The following BICC1 variants were observed in gnomAD, a reference collection of about 807,000 sequenced individuals.
BICC1 encodes BicC family RNA binding protein 1.
A neutral mutation model predicts 111.0 loss-of-function variants in BICC1; 43 were observed. The observed-to-expected ratio is 0.39, with a 90% CI of 0.30 to 0.50. The LOEUF (loss-of-function observed/expected upper bound fraction) is 0.50. Among genes scored for constraint, BICC1 ranks in the 20% least tolerant of loss-of-function variants. The pLI, the probability that BICC1 is intolerant of heterozygous loss-of-function variation, is 0.88. For missense variants in BICC1, 1,091 were observed against 1,203.2 expected, an observed-to-expected ratio of 0.91 and a Z score of 1.38; for synonymous variants, 467 against 434.4, an observed-to-expected ratio of 1.07 and a Z score of -0.93.
At chr10:58,657,287 C>G (rs10740749) in intron 2 of BICC1, among the ~76,000 whole-genome samples, 150,276 of 152,318 alleles carry the variant, frequency 0.99, 74,160 homozygotes, top group East Asian at 1. Flanking sequence ...GCACCATCTT[C>G]TCACTCATTG....
chr10:58,787,511 A>G (rs1378892105), intron 5 of BICC1, among the ~76,000 whole-genome samples: 2 of 152,050 alleles, frequency 1.3e-5, no homozygotes, highest in Middle Eastern at 3.2e-3. Flanking sequence ...TGCCTTAATT[A>G]TGTCTCTCTC....
intron 1 of BICC1, among the ~76,000 whole-genome samples, chr10:58,553,516 C>T (rs866458091): frequency 6.6e-6 from 1 of 152,046 alleles, no homozygotes. Context: ...CAGTGAAATC[C>T]ATTTTGGACT....
At chr10:58,530,823 A>G (rs1842664193) in intron 1 of BICC1, among the ~76,000 whole-genome samples, 1 of 151,880 alleles carries the variant, frequency 6.6e-6, no homozygotes, top group South Asian at 2.1e-4. Flanking sequence ...GATTACAAAA[A>G]TAAGCCTGTC....
chr10:58,731,478 C>A (rs1338273120), intron 3 of BICC1, among the ~76,000 whole-genome samples: 1 of 152,148 alleles, frequency 6.6e-6, no homozygotes, highest in African/African-American at 2.4e-5. Flanking sequence ...TGTATTAATA[C>A]CCCACTCCTG....
chr10:58,678,468 G>A (rs977499122), intron 2 of BICC1, among the ~76,000 whole-genome samples: 2 of 151,018 alleles, frequency 1.3e-5, no homozygotes, highest in Non-Finnish European at 3.0e-5. Context: ...AATGACAAAG[G>A]GTGCAAAAAG....
chr10:58,553,318 G>A (rs1843349364), intron 1 of BICC1, among the ~76,000 whole-genome samples: 1 of 152,178 alleles, frequency 6.6e-6, no homozygotes, highest in Non-Finnish European at 1.5e-5. Context: ...AAGTGAAAGA[G>A]GGAGGCAAAG....
At chr10:58,574,468 A>G (rs1844050511) in intron 1 of BICC1, among the ~76,000 whole-genome samples, 2 of 151,918 alleles carry the variant, frequency 1.3e-5, no homozygotes, top group Admixed American at 6.6e-5. Context: ...TAAAATATAC[A>G]TGTATTGATA....
chr10:58,645,465 T>A (rs994208935), intron 2 of BICC1, among the ~76,000 whole-genome samples: 17 of 149,644 alleles, frequency 1.1e-4, no homozygotes, highest in African/African-American at 3.9e-4. Context: ...TAGAACCAGA[T>A]TGGCATTTTG....
intron 20 of BICC1, chr10:58,823,864 T>G (rs1045811308): frequency 6.1e-6 from 6 of 985,092 alleles, no homozygotes; most frequent in Non-Finnish European, 7.2e-6. Context: ...CAATTCTGTC[T>G]TGATTTCTGA....
At chr10:58,742,916 C>T (rs1301278595) in intron 3 of BICC1, among the ~76,000 whole-genome samples, 3 of 152,132 alleles carry the variant, frequency 2.0e-5, no homozygotes, top group Admixed American at 6.5e-5. Context: ...AGAGCCATTG[C>T]CCACACCTTA....
At chr10:58,722,896 T>G (rs906688126) in intron 3 of BICC1, among the ~76,000 whole-genome samples, 1 of 152,198 alleles carries the variant, frequency 6.6e-6, no homozygotes, top group African/African-American at 2.4e-5. Context: ...GAGGGTGGTG[T>G]TTAACCTGGA....
chr10:58,622,108 G>A (rs1386525643), intron 2 of BICC1, among the ~76,000 whole-genome samples: 3 of 151,722 alleles, frequency 2.0e-5, no homozygotes, highest in African/African-American at 7.3e-5. Context: ...CCTGAGCCCA[G>A]GAAGTTGAGA....
chr10:58,770,251 A>T (rs1217151116), intron 3 of BICC1, among the ~76,000 whole-genome samples: 2 of 152,038 alleles, frequency 1.3e-5, no homozygotes, highest in African/African-American at 2.4e-5. Context: ...AGGTTTTAGA[A>T]TTTCTATTGA....
chr10:58,648,369 G>T (rs995583927), intron 2 of BICC1: 35 of 258,414 alleles, frequency 1.4e-4, no homozygotes, highest in Non-Finnish European at 2.0e-4. Flanking sequence ...TGTTTTTTGT[G>T]TTCACCTATG....
chr10:58,792,816 A>T (rs1223449211), intron 8 of BICC1, among the ~76,000 whole-genome samples: 1 of 152,148 alleles, frequency 6.6e-6, no homozygotes, highest in African/African-American at 2.4e-5. Flanking sequence ...AATAAATGTA[A>T]TGTGCTTGAA....
intron 1 of BICC1, among the ~76,000 whole-genome samples, chr10:58,521,151 T>G (rs1649027): frequency 0.54 from 82,072 of 151,970 alleles, 23,224 homozygotes; most frequent in African/African-American, 0.71. Flanking sequence ...TTTAGAATAT[T>G]TTTAGGTGGC....
At chr10:58,568,667 G>C (rs772336770) in intron 1 of BICC1, among the ~76,000 whole-genome samples, 1 of 152,086 alleles carries the variant, frequency 6.6e-6, no homozygotes, top group Non-Finnish European at 1.5e-5. Flanking sequence ...CATCCAGCCA[G>C]GGTTTTTAGG....
At chr10:58,735,297 G>C (rs1841433700) in intron 3 of BICC1, among the ~76,000 whole-genome samples, 1 of 152,162 alleles carries the variant, frequency 6.6e-6, no homozygotes, top group South Asian at 2.1e-4. Flanking sequence ...CGCAGCCTGT[G>C]CTGCTGGAAA....
chr10:58,703,164 CTTTTTTTT>C (rs3076275), intron 3 of BICC1, among the ~76,000 whole-genome samples: 3 of 130,414 alleles, frequency 2.3e-5, no homozygotes, highest in African/African-American at 8.7e-5. Context: ...TATCTTGCTA[CTTTTTTTT>C]TTTTTTTTTG....
Sources: gnomAD v4.1 joint callset for allele counts (sites outside exome capture counted in the v4.1 genomes callset) on GRCh38, gnomAD v4.1.1 for gene constraint, MANE v1.5 for transcripts, NCBI Gene and HGNC (gene_info 2026-07-23, HGNC 2026-07-21) for gene names.